Variants in TMC1 observed in about 807,000 individuals in gnomAD.
The protein encoded by TMC1 is transmembrane channel like 1.
A neutral mutation model predicts 105.8 loss-of-function variants in TMC1; 84 were observed. The observed-to-expected ratio is 0.79, with a 90% CI of 0.67 to 0.95. The LOEUF is 0.95. TMC1 is among the 40% of genes least tolerant of loss of function. TMC1 has a pLI of 0.00. For missense variants in TMC1, 817 were observed against 914.1 expected (o/e 0.89, Z 1.37); for synonymous variants, 315 against 311.5 (o/e 1.01, Z -0.12).
chr9:72,700,676 T>C, intron 8 of TMC1, 33 bp downstream of exon 8: 1 of 1,472,408 alleles, frequency 6.8e-7, no homozygotes, highest in Non-Finnish European at 9.3e-7. Context: ...TAGAAACACT[T>C]TCCCTGATAT....
At chr9:72,674,725 G>T (rs1415511192) in intron 5 of TMC1, among the ~76,000 whole-genome samples, 1 of 152,188 alleles carries the variant, frequency 6.6e-6, no homozygotes, top group African/African-American at 2.4e-5. Flanking sequence ...GCCTTTCCCT[G>T]CTAGAAATCC....
intron 2 of TMC1, among the ~76,000 whole-genome samples, chr9:72,603,386 TACAC>T (rs10584160): frequency 0.31 from 45,205 of 145,052 alleles, 7,389 homozygotes; most frequent in African/African-American, 0.44. Context: ...CTCTCCCCAC[TACAC>T]ACACACACAC....
rs182102526 is a variant in TMC1 at position 72,724,072 on chromosome 9, C to A, written c.363-16047C>A. Among the ~76,000 whole-genome samples the A allele has an allele frequency of 3.3e-5, 5 of 152,302 alleles. No individual in the cohort carries two copies. In the East Asian group the frequency reaches 9.6e-4, roughly 29 times the overall value. ...AAAATGGGTCTAAAATGATAATATT[C>A]AAAGATGTTTTCCAATATTCTTGGC... On this transcript the variant is annotated intron_variant, in intron 8 of 23. Coordinates refer to ENST00000297784, the MANE Select transcript of TMC1 (RefSeq NM_138691.3).
chr9:72,745,521 G>A (rs1354915328), intron 10 of TMC1, among the ~76,000 whole-genome samples: 1 of 152,074 alleles, frequency 6.6e-6, no homozygotes, highest in East Asian at 1.9e-4. Context: ...TTACTTTTTA[G>A]TGAGTGATTT....
At position 72,798,162 on chromosome 9, in the gene TMC1, A is replaced by G. The variant is rs1007479269; in HGVS notation, c.1566+5810A>G. Among the ~76,000 whole-genome samples, 10 of 152,298 alleles carry G rather than the reference A, an allele frequency of 6.6e-5. No homozygotes were observed. In the East Asian group the frequency reaches 1.7e-3, roughly 26 times the overall value. On this transcript the variant is annotated intron_variant, in intron 17 of 23. Transcript: ENST00000297784. ...TAGAGAAATGCAAATCAAAACCACA[A>G]TGGGATACCAGCTCTCACCAGTCAG...
At chr9:72,744,688 A>G (rs1373409274) in intron 10 of TMC1, among the ~76,000 whole-genome samples, 2 of 152,232 alleles carry the variant, frequency 1.3e-5, no homozygotes, top group Non-Finnish European at 2.9e-5. Flanking sequence ...CAGTTGTTAG[A>G]TAAATCCCAA....
intron 3 of TMC1, among the ~76,000 whole-genome samples, chr9:72,625,635 C>T (rs1273652636): frequency 6.7e-6 from 1 of 148,358 alleles, no homozygotes; most frequent in Non-Finnish European, 1.5e-5. Context: ...TTGCAGTGAG[C>T]TGAGATCGCG....
chr9:72,566,340 T>G (rs1824152535), intron 1 of TMC1, among the ~76,000 whole-genome samples: 1 of 152,080 alleles, frequency 6.6e-6, no homozygotes, highest in South Asian at 2.1e-4. Flanking sequence ...GGATTACCTC[T>G]CTCCCTCCAT....
chr9:72,820,774 A>G, intron 19 of TMC1, 68 bp from the exon 20 acceptor site: 13 of 1,598,370 alleles, frequency 8.1e-6, no homozygotes, highest in Non-Finnish European at 1.1e-5. Context: ...TGTCAAATAA[A>G]CAGGTGCAGT....
At chr9:72,674,420 G>A (rs1328312135) in intron 5 of TMC1, among the ~76,000 whole-genome samples, 1 of 152,202 alleles carries the variant, frequency 6.6e-6, no homozygotes, top group Admixed American at 6.5e-5. Flanking sequence ...GACAGTGTGA[G>A]ACTGAAATAA....
At position 72,565,698 on chromosome 9, in the gene TMC1, G is replaced by A. The variant is rs142605992; in HGVS notation, c.-427-12204G>A. Among the ~76,000 whole-genome samples, 90 of 152,280 alleles carry A rather than the reference G, an allele frequency of 5.9e-4. 1 individual carries two copies. The highest frequency in any genetic ancestry group is 2.1e-3 in the African/African-American group (88 of 41,568). ...AACGGACTCACCGTTCCACATGGCTGTGGAGGCCTCACAATCATGGTGGAA... is the reference window on the plus strand; with the variant it reads ...AACGGACTCACCGTTCCACATGGCTATGGAGGCCTCACAATCATGGTGGAA... On this transcript the variant is annotated intron_variant, in intron 1 of 23. Transcript: ENST00000297784.
chr9:72,685,750 G>A (rs1826370496), intron 5 of TMC1, among the ~76,000 whole-genome samples: 1 of 152,138 alleles, frequency 6.6e-6, no homozygotes, highest in Non-Finnish European at 1.5e-5. Context: ...TTATCCAAGA[G>A]CATTTTCTCT....
intron 8 of TMC1, among the ~76,000 whole-genome samples, chr9:72,716,146 G>A (rs1322982717): frequency 1.3e-5 from 2 of 152,202 alleles, no homozygotes; most frequent in Non-Finnish European, 2.9e-5. Context: ...TTGTCCCAGA[G>A]GGACATCCAC....
At chr9:72,666,280 A>G (rs1042254941) in intron 5 of TMC1, among the ~76,000 whole-genome samples, 1 of 151,668 alleles carries the variant, frequency 6.6e-6, no homozygotes, top group Non-Finnish European at 1.5e-5. Context: ...AAGGAAGGAA[A>G]GGGAAGAAAA....
In TMC1 at chr9:72,595,654, G is replaced by A. The variant is rs1260070204; in HGVS notation, c.-306+17631G>A. 2.0e-5 allele frequency among the ~76,000 whole-genome samples: 3 copies of A among 148,510 alleles called. No individual in the cohort carries two copies. The East Asian group carries it at 5.9e-4, about 29-fold the overall frequency. ...AATGGGGTAAACTAGTTTACATTGT[G>A]GTAACAAGCAACTCTCAACTTTTTT... On this transcript the variant is annotated intron_variant, in intron 2 of 23. Coordinates refer to ENST00000297784, the MANE Select transcript of TMC1 (RefSeq NM_138691.3).
At chr9:72,733,298 C>T (rs914302830) in intron 8 of TMC1, among the ~76,000 whole-genome samples, 1 of 151,896 alleles carries the variant, frequency 6.6e-6, no homozygotes, top group African/African-American at 2.4e-5. Context: ...GAATTCCTGA[C>T]TGCCTCCTCC....
intron 1 of TMC1, among the ~76,000 whole-genome samples, chr9:72,548,318 T>C (rs1274123294): frequency 6.6e-6 from 1 of 152,196 alleles, no homozygotes; most frequent in Non-Finnish European, 1.5e-5. Context: ...ATGCCTGTAA[T>C]CCCAGCACTT....
chr9:72,716,891 C>T lies in TMC1; in HGVS notation c.362+16248C>T, dbSNP rs570837519. On this transcript the variant is annotated intron_variant, in intron 8 of 23. Transcript: ENST00000297784. ...GTGTTGGAAACCCAGCACCAGGGCC[C>T]TGGTGGCGTGGGAACTGGAGGGAAT... Among the ~76,000 whole-genome samples the T allele has an allele frequency of 2.1e-3, 316 of 152,316 alleles. 2 individuals carry two copies. Among genetic ancestry groups the T allele is most frequent in the African/African-American group, 7.4e-3 (308 of 41,570 alleles).
intron 12 of TMC1, among the ~76,000 whole-genome samples, chr9:72,755,911 C>G (rs1827670273): frequency 6.6e-6 from 1 of 152,216 alleles, no homozygotes; most frequent in African/African-American, 2.4e-5. Flanking sequence ...AGCCCGTAAT[C>G]TAGTCCTCAT....
Sources: gnomAD v4.1 joint callset for allele counts (sites outside exome capture counted in the v4.1 genomes callset) on GRCh38, gnomAD v4.1.1 for gene constraint, MANE v1.5 for transcripts, NCBI Gene and HGNC (gene_info 2026-07-23, HGNC 2026-07-21) for gene names.